Variants in SLC7A14 observed in about 807,000 individuals in gnomAD.
SLC7A14 encodes the protein solute carrier family 7 member 14, also known as gamma-aminobutyric acid transporter SLC7A14.
A neutral mutation model predicts 60.2 loss-of-function variants in SLC7A14; 37 were observed. The ratio of observed to expected loss-of-function variants is 0.61; its 90% CI spans 0.47 to 0.81. The LOEUF is 0.81. Ranked by LOEUF, SLC7A14 falls within the 30% of genes least tolerant of loss-of-function variation. The pLI is 0.00. For missense variants in SLC7A14, 886 were observed against 982.7 expected (o/e 0.90, Z 1.32); for synonymous variants, 399 against 395.8 (o/e 1.01, Z -0.10).
At chr3:170,495,407 G>T (rs1040623551) in intron 4 of SLC7A14, among the ~76,000 whole-genome samples, 12 of 152,180 alleles carry the variant, frequency 7.9e-5, no homozygotes, top group Non-Finnish European at 1.6e-4. Flanking sequence ...TCTCTGCCTG[G>T]TTCAGCCTGC....
At chr3:170,543,542 G>A (rs1054943798) in intron 1 of SLC7A14, among the ~76,000 whole-genome samples, 5 of 151,794 alleles carry the variant, frequency 3.3e-5, no homozygotes, top group South Asian at 2.1e-4. Context: ...CCAGCTACTC[G>A]GGAGGCTGAG....
intron 2 of SLC7A14, among the ~76,000 whole-genome samples, chr3:170,505,794 A>G (rs1001502430): frequency 1.3e-5 from 2 of 152,118 alleles, no homozygotes; most frequent in African/African-American, 4.8e-5. Context: ...AGGCTGGGGC[A>G]GGAGAATCGC....
At chr3:170,563,399 A>C (rs1577565340) in intron 1 of SLC7A14, among the ~76,000 whole-genome samples, 2 of 146,884 alleles carry the variant, frequency 1.4e-5, no homozygotes, top group African/African-American at 5.1e-5. Context: ...CAGTTCAACA[A>C]ACACTGTTTG....
At position 170,563,413 on chromosome 3, in the gene SLC7A14, G is replaced by GTT. The variant is rs200599026; in HGVS notation, c.-153+22496_-153+22497dup. 5.1e-3 allele frequency among the ~76,000 whole-genome samples: 563 copies of GTT among 111,092 alleles called. 8 individuals are homozygous for GTT. Among genetic ancestry groups the GTT allele is most frequent in the African/African-American group, 8.2e-3 (228 of 27,748 alleles). 72.9% of individuals were successfully genotyped at this position (111,092 alleles called of 152,430 possible). A position where few individuals can be genotyped will look rare whatever the true frequency, so the allele number is the denominator to read the frequency against. On this transcript the variant is annotated intron_variant, in intron 1 of 7. Coordinates refer to ENST00000231706, the MANE Select transcript of SLC7A14 (RefSeq NM_020949.3). ...TCAGTTCAACAAACACTGTTTGTTT[G>GTT]TTTGTTTTTTTTTTTTTTTTTTGAG...
At chr3:170,542,735 A>G (rs1216642557) in intron 1 of SLC7A14, among the ~76,000 whole-genome samples, 1 of 152,204 alleles carries the variant, frequency 6.6e-6, no homozygotes, top group Non-Finnish European at 1.5e-5. Context: ...TCTTTTAGGA[A>G]TAAGCTATTC....
rs1345396604 is a variant in SLC7A14, at chr3:170,585,470, G to A, written c.-153+441C>T. 2.6e-5 allele frequency among the ~76,000 whole-genome samples: 4 copies of A among 152,208 alleles called. No individual in the cohort carries two copies. The highest frequency in any genetic ancestry group is 9.6e-5 in the African/African-American group (4 of 41,464). On this transcript the variant is annotated intron_variant, in intron 1 of 7. Transcript: ENST00000231706. The surrounding 1 kb of genome is among the most constrained non-coding windows in gnomAD (Gnocchi z 5.1). ...CCGTTTCATGGTCTCGGTCCGAGGC[G>A]GAGAACGGAGCTGCCCGTGCGGGGT...
intron 4 of SLC7A14, among the ~76,000 whole-genome samples, chr3:170,492,416 G>T (rs1334220170): frequency 6.6e-6 from 1 of 152,184 alleles, no homozygotes; most frequent in African/African-American, 2.4e-5. Context: ...GAGGTGGGAA[G>T]ATTACTTGAG....
intron 1 of SLC7A14, among the ~76,000 whole-genome samples, chr3:170,581,504 T>G (rs757885320): frequency 2.4e-4 from 37 of 152,178 alleles, no homozygotes; most frequent in Non-Finnish European, 4.6e-4. Context: ...CAATGCACGG[T>G]ATTTCAATTA....
At chr3:170,468,251 T>C (rs758221170) in intron 7 of SLC7A14, among the ~76,000 whole-genome samples, 25 of 152,232 alleles carry the variant, frequency 1.6e-4, no homozygotes, top group Admixed American at 3.9e-4. Context: ...ATTTCTATGA[T>C]TTAAAAAACA....
At chr3:170,500,938 T>A (rs143557174) in intron 3 of SLC7A14, among the ~76,000 whole-genome samples, 171 bp downstream of exon 3, 1 of 152,364 alleles carries the variant, frequency 6.6e-6, no homozygotes, top group East Asian at 1.9e-4. Flanking sequence ...ACATTAGAAT[T>A]ATTTTTTAAG....
In SLC7A14 at chr3:170,585,325, G is replaced by T. The variant is rs1014221456; in HGVS notation, c.-153+586C>A. On this transcript the variant is annotated intron_variant, in intron 1 of 7. Transcript: ENST00000231706. The surrounding 1 kb of genome is among the most constrained non-coding windows in gnomAD (Gnocchi z 5.1). ...TCTCCGGGGACAGACGCCCCTCGGG[G>T]CGCCACCATCCTGGTCGGGGTGCTG... Among the ~76,000 whole-genome samples, 6 of 152,250 alleles carry T rather than the reference G, an allele frequency of 3.9e-5. No individual in the cohort carries two copies. Among genetic ancestry groups the T allele is most frequent in the South Asian group, 2.1e-4 (1 of 4,812 alleles).
chr3:170,460,218 A>G lies in SLC7A14; in HGVS notation c.*6837T>C, dbSNP rs749722653. On this transcript the variant is annotated 3_prime_UTR_variant, in exon 8 of 8. Transcript: ENST00000231706. ...GTTGTACTTCTCAAGGACGAAACGA[A>G]AAAGAAACAAGTTAGTAAAATTTAC... 1 of 152,240 alleles carries G rather than the reference A, an allele frequency of 6.6e-6. No homozygotes were observed. Among genetic ancestry groups the G allele is most frequent in the Non-Finnish European group, 1.5e-5 (1 of 68,052 alleles). The allele number at this position is 152,240 out of a possible 1,614,324, so 9.4% of individuals were successfully genotyped here. A position where few individuals can be genotyped will look rare whatever the true frequency, so the allele number is the denominator to read the frequency against.
At chr3:170,477,433 T>G (rs1292067387) in intron 7 of SLC7A14, among the ~76,000 whole-genome samples, 1 of 152,236 alleles carries the variant, frequency 6.6e-6, no homozygotes, top group African/African-American at 2.4e-5. Context: ...CTCTGCTATA[T>G]TCTAGCTATG....
intron 7 of SLC7A14, among the ~76,000 whole-genome samples, chr3:170,478,651 G>GT (rs1411998618): frequency 6.6e-6 from 1 of 152,182 alleles, no homozygotes; most frequent in East Asian, 1.9e-4. Context: ...CCCCCTCCAA[G>GT]TTTTTTCTGG....
At chr3:170,577,624 C>CAAAAAAAA (rs56357954) in intron 1 of SLC7A14, among the ~76,000 whole-genome samples, 1 of 52,058 alleles carries the variant, frequency 1.9e-5, no homozygotes, top group Non-Finnish European at 4.3e-5. Flanking sequence ...GACTCCGTCT[C>CAAAAAAAA]AAAAAAAAAA....
chr3:170,568,621 A>G (rs1227471823), intron 1 of SLC7A14, among the ~76,000 whole-genome samples: 1 of 152,170 alleles, frequency 6.6e-6, no homozygotes, highest in Non-Finnish European at 1.5e-5. Context: ...TTTTCACGAT[A>G]TTAATTCTTT....
At chr3:170,477,550 A>G (rs919065285) in intron 7 of SLC7A14, among the ~76,000 whole-genome samples, 3 of 152,232 alleles carry the variant, frequency 2.0e-5, no homozygotes, top group Non-Finnish European at 4.4e-5. Context: ...GATATGTGAT[A>G]AGCACGGTAC....
intron 2 of SLC7A14, among the ~76,000 whole-genome samples, chr3:170,518,200 G>T (rs780995904): frequency 6.6e-6 from 1 of 152,164 alleles, no homozygotes; most frequent in Non-Finnish European, 1.5e-5. Flanking sequence ...ACATGAAAGC[G>T]CCTTCCATGG....
At chr3:170,571,756 C>T (rs116217664) in intron 1 of SLC7A14, among the ~76,000 whole-genome samples, 1,901 of 152,136 alleles carry the variant, frequency 0.012, 43 homozygotes, top group African/African-American at 0.044. Flanking sequence ...GATGTAGTGA[C>T]AGTCCTAGAA....
Sources: allele counts gnomAD v4.1 joint callset (sites outside exome capture counted in the v4.1 genomes callset), GRCh38; gene constraint gnomAD v4.1.1; non-coding constraint Gnocchi (gnomAD v3.1); transcripts MANE v1.5; gene names NCBI Gene and HGNC (gene_info 2026-07-23, HGNC 2026-07-21).